The following FAM184A variants were observed in gnomAD, a reference collection of about 807,000 sequenced individuals.
FAM184A encodes the protein protein FAM184A.
FAM184A carries 99 observed loss-of-function variants against 143.8 expected under a neutral mutation model. The ratio of observed to expected loss-of-function variants is 0.69; its 90% CI spans 0.58 to 0.81. FAM184A has a LOEUF of 0.81. Among genes scored for constraint, FAM184A ranks in the 40% least tolerant of loss-of-function variants. The probability of loss-of-function intolerance (pLI) is 0.00; values close to 1 mark genes in which losing one functional copy is unlikely to be tolerated. For missense variants in FAM184A, 1,217 were observed against 1,310.5 expected (o/e 0.93, Z 1.10); for synonymous variants, 427 against 446.4 (o/e 0.96, Z 0.55).
At chr6:118,968,997 C>A (rs71559844) in intron 14 of FAM184A, among the ~76,000 whole-genome samples, 1 of 152,178 alleles carries the variant, frequency 6.6e-6, no homozygotes, top group Non-Finnish European at 1.5e-5. Context: ...CCACAATCCC[C>A]ATGTGTCATG....
intron 9 of FAM184A, among the ~76,000 whole-genome samples, chr6:118,985,840 C>T (rs1356867992): frequency 6.6e-6 from 1 of 152,160 alleles, no homozygotes; most frequent in Non-Finnish European, 1.5e-5. Context: ...AAACTGCTAA[C>T]CTAGGCTTAG....
rs150713391 is a variant in FAM184A at position 119,127,022 on chromosome 6, C to T, written c.-202+22056G>A. ...TGTTCAGCTGTTTCCTTTTCTCTGC[C>T]AGCTGGGTCAGGGGTTTTTATGAGT... On this transcript the variant is annotated intron_variant, in intron 1 of 16. Coordinates refer to the FAM184A transcript ENST00000352896. Among the ~76,000 whole-genome samples the T allele has an allele frequency of 5.0e-4, 76 of 152,256 alleles. 1 individual carries two copies. The highest frequency in any genetic ancestry group is 1.8e-3 in the African/African-American group (73 of 41,564).
intron 1 of FAM184A, among the ~76,000 whole-genome samples, chr6:119,125,137 T>C (rs190353525): frequency 3.3e-5 from 5 of 152,190 alleles, no homozygotes; most frequent in African/African-American, 1.2e-4. Context: ...CTATTAATAG[T>C]TTTTTAGAAT....
chr6:119,022,053 C>CTTTTTTTTTT (rs34128659), intron 3 of FAM184A, among the ~76,000 whole-genome samples: 11 of 84,390 alleles, frequency 1.3e-4, no homozygotes, highest in Admixed American at 3.4e-4. Flanking sequence ...TTCGTTCTTT[C>CTTTTTTTTTT]TTTTTTTTTT....
At chr6:119,095,212 AC>A (rs1788474555) in intron 1 of FAM184A, among the ~76,000 whole-genome samples, 2 of 152,128 alleles carry the variant, frequency 1.3e-5, no homozygotes, top group African/African-American at 2.4e-5. Context: ...CTTGCTAAGA[AC>A]CCTACTTATA....
At chr6:118,963,847 T>C (rs535609786) in intron 16 of FAM184A, 1 of 152,176 alleles carries the variant, frequency 6.6e-6, no homozygotes, top group South Asian at 2.1e-4. Flanking sequence ...TTATAGGGAA[T>C]GTGATGAAAT....
At chr6:119,145,059 T>A (rs766850418) in intron 1 of FAM184A, among the ~76,000 whole-genome samples, 10 of 152,244 alleles carry the variant, frequency 6.6e-5, no homozygotes, top group Non-Finnish European at 1.3e-4. Context: ...AGGCATGGCA[T>A]GTCCAGTGCT....
chr6:118,989,298 C>G (rs1398582841), intron 9 of FAM184A, among the ~76,000 whole-genome samples: 1 of 151,906 alleles, frequency 6.6e-6, no homozygotes, highest in East Asian at 1.9e-4. Context: ...TTGGAAAAAC[C>G]TACATACCCC....
At chr6:119,008,802 A>T (rs1374098208) in intron 6 of FAM184A, among the ~76,000 whole-genome samples, 1 of 152,176 alleles carries the variant, frequency 6.6e-6, no homozygotes, top group Non-Finnish European at 1.5e-5. Context: ...ACACGAGCAT[A>T]AGCCCCATCC....
intron 7 of FAM184A, chr6:119,006,173 G>A (rs778351218): frequency 1.3e-6 from 1 of 765,254 alleles, no homozygotes; most frequent in Non-Finnish European, 2.4e-6. Flanking sequence ...GGTGCTACCA[G>A]AAGCTGGAAA....
intron 1 of FAM184A, among the ~76,000 whole-genome samples, chr6:119,066,671 G>C (rs1291086512): frequency 6.6e-6 from 1 of 152,210 alleles, no homozygotes; most frequent in African/African-American, 2.4e-5. Flanking sequence ...CTTGGCTCCA[G>C]ATCAAATTGT....
At chr6:118,964,369 AAAC>A (rs1248717514) in intron 16 of FAM184A, among the ~76,000 whole-genome samples, 1 of 152,198 alleles carries the variant, frequency 6.6e-6, no homozygotes, top group Admixed American at 6.5e-5. Context: ...AACAATAAGA[AAAC>A]AACAAGAAAT....
intron 1 of FAM184A, among the ~76,000 whole-genome samples, chr6:119,063,293 G>C (rs868510753): frequency 1.3e-5 from 2 of 152,066 alleles, no homozygotes; most frequent in Non-Finnish European, 2.9e-5. Flanking sequence ...AAATATCTGT[G>C]TTTTTCTAGT....
Position 119,078,418 on chromosome 6 carries a change from C to T in FAM184A, c.-119G>A. On this transcript the variant is annotated 5_prime_UTR_variant, in exon 1 of 18. Coordinates refer to ENST00000338891, the MANE Select transcript of FAM184A (RefSeq NM_024581.6). The surrounding 1 kb of genome is among the most constrained non-coding windows in gnomAD (Gnocchi z 5.5). Reference sequence around the variant, plus strand: ...GCTTCCCGACCCGACACCCGGCGCCCCCCAGACTCGGCCGCAGGCGCCGTC... The same window carrying T: ...GCTTCCCGACCCGACACCCGGCGCCTCCCAGACTCGGCCGCAGGCGCCGTC... 1.9e-6 allele frequency: 2 copies of T among 1,075,810 alleles called. No individual in the cohort carries two copies. The highest frequency in any genetic ancestry group is 1.2e-6 in the Non-Finnish European group (1 of 807,568). The allele number at this position is 1,075,810 out of a possible 1,614,324, so 66.6% of individuals were successfully genotyped here. A position where few individuals can be genotyped will look rare whatever the true frequency, so the allele number is the denominator to read the frequency against.
At chr6:119,018,158 G>C (rs1346950560) in intron 4 of FAM184A, among the ~76,000 whole-genome samples, 1 of 152,206 alleles carries the variant, frequency 6.6e-6, no homozygotes, top group Non-Finnish European at 1.5e-5. Flanking sequence ...TTAGAAGGAT[G>C]CCTAACTTGG....
In FAM184A at chr6:119,044,694, T is replaced by G. The variant is rs143959295; in HGVS notation, c.160-19881A>C. On this transcript the variant is annotated intron_variant, in intron 1 of 17. Transcript: ENST00000338891. ...AAAACAATTCCAATTACCTGGGTAC[T>G]ACTGATGCTGTGACTTACATGCCCC... Among the ~76,000 whole-genome samples the G allele has an allele frequency of 3.2e-3, 491 of 152,202 alleles. 5 individuals are homozygous for G. The highest frequency in any genetic ancestry group is 0.012 in the African/African-American group (478 of 41,534).
intron 6 of FAM184A, among the ~76,000 whole-genome samples, chr6:119,009,962 T>C (rs961324880): frequency 1.3e-5 from 2 of 152,212 alleles, no homozygotes; most frequent in Admixed American, 6.5e-5. Context: ...ATTTAACTCC[T>C]AGAAGGACCC....
At position 118,988,662 on chromosome 6, in the gene FAM184A, GA is replaced by G. The variant is rs554926268; in HGVS notation, c.2089-8313del. ...TAATAATCTGGTTTTATATTAGGGG[GA>G]AAGGAAGAAGAGACACCCTTATATC... On this transcript the variant is annotated intron_variant, in intron 9 of 17. Transcript: ENST00000338891. Among the ~76,000 whole-genome samples, 489 of 152,284 alleles carry G rather than the reference GA, an allele frequency of 3.2e-3. 2 individuals are homozygous for G. Among genetic ancestry groups the G allele is most frequent in the African/African-American group, 0.011 (457 of 41,552 alleles).
At chr6:119,121,404 TG>T (rs1179523806) in intron 1 of FAM184A, among the ~76,000 whole-genome samples, 1 of 152,218 alleles carries the variant, frequency 6.6e-6, no homozygotes, top group Non-Finnish European at 1.5e-5. Context: ...CCCAAATTGT[TG>T]GGATTATAGG....
Sources: allele counts gnomAD v4.1 joint callset (sites outside exome capture counted in the v4.1 genomes callset), GRCh38; gene constraint gnomAD v4.1.1; non-coding constraint Gnocchi (gnomAD v3.1); transcripts MANE v1.5; gene names NCBI Gene and HGNC (gene_info 2026-07-23, HGNC 2026-07-21).